SPOCK3: variants seen among roughly 807,000 people sequenced by gnomAD.
SPOCK3 encodes SPARC (osteonectin), cwcv and kazal like domains proteoglycan 3, also known as testican-3.
SPOCK3 carries 30 observed loss-of-function variants against 56.6 expected under a neutral mutation model. That is an observed-to-expected ratio of 0.53 (90% CI 0.40 to 0.72). The LOEUF is 0.72. SPOCK3 is among the 30% of genes least tolerant of loss of function. The pLI, the probability that SPOCK3 is intolerant of heterozygous loss-of-function variation, is 0.00. For missense variants in SPOCK3, 527 were observed against 530.0 expected (o/e 0.99, Z 0.06); for synonymous variants, 196 against 183.3 (o/e 1.07, Z -0.56).
At chr4:167,164,254 T>A (rs1480032937) in intron 2 of SPOCK3, among the ~76,000 whole-genome samples, 2 of 152,128 alleles carry the variant, frequency 1.3e-5, no homozygotes, top group African/African-American at 4.8e-5. Flanking sequence ...AAGAAAATAT[T>A]TCAGCATATT....
chr4:167,219,619 C>A lies in SPOCK3; in HGVS notation c.189+14366G>T, dbSNP rs1185271298. ...ACTTATGCTAAGAATAAAGAACTCA[C>A]AAAATTATCTAGAACACTCAACATA... On this transcript the variant is annotated intron_variant, in intron 2 of 10. Transcript: ENST00000357545. Among the ~76,000 whole-genome samples, 4 of 152,024 alleles carry A rather than the reference C, an allele frequency of 2.6e-5. No individual in the cohort carries two copies. The East Asian group carries it at 5.8e-4, about 22-fold the overall frequency.
chr4:167,193,163 T>C (rs1205273389), intron 2 of SPOCK3, among the ~76,000 whole-genome samples: 1 of 146,118 alleles, frequency 6.8e-6, no homozygotes, highest in East Asian at 2.1e-4. Context: ...TGCCATTTTG[T>C]TGTTTTCTGG....
chr4:166,842,800 G>A (rs1299306869), intron 6 of SPOCK3, among the ~76,000 whole-genome samples: 1 of 152,208 alleles, frequency 6.6e-6, no homozygotes. Context: ...TGCCAGAGCC[G>A]TGGGCGGAGC....
intron 7 of SPOCK3, among the ~76,000 whole-genome samples, chr4:166,787,750 T>C (rs1456315921): frequency 6.6e-6 from 1 of 152,164 alleles, no homozygotes; most frequent in East Asian, 1.9e-4. Context: ...TAAAACATAG[T>C]GATGATTCTA....
At chr4:166,998,693 C>T (rs865899716) in intron 4 of SPOCK3, among the ~76,000 whole-genome samples, 1 of 152,042 alleles carries the variant, frequency 6.6e-6, no homozygotes, top group Middle Eastern at 3.2e-3. Context: ...GGTGAAGTGG[C>T]AGGTGAATCT....
Position 166,862,356 on chromosome 4 carries a change from G to T in SPOCK3, c.589+26774C>A, listed in dbSNP as rs146222758. On this transcript the variant is annotated intron_variant, in intron 6 of 10. Coordinates refer to ENST00000357545, the MANE Select transcript of SPOCK3 (RefSeq NM_001040159.2). The stretch of plus-strand genomic sequence containing the variant: ...AGGAAGCCAGTAAAACTATGAAAAA[G>T]ACTTGAATGTAGCAAATTGAATAAA... Among the ~76,000 whole-genome samples, 69 of 152,054 alleles carry T rather than the reference G, an allele frequency of 4.5e-4. 1 individual carries two copies. In the East Asian group the frequency reaches 0.013, roughly 29 times the overall value.
chr4:167,062,864 C>A (rs1259571130), intron 2 of SPOCK3, among the ~76,000 whole-genome samples: 1 of 151,760 alleles, frequency 6.6e-6, no homozygotes, highest in Admixed American at 6.6e-5. Flanking sequence ...GCAATATTTT[C>A]AATTACAATT....
At chr4:167,093,105 C>T (rs1403198848) in intron 2 of SPOCK3, among the ~76,000 whole-genome samples, 1 of 152,070 alleles carries the variant, frequency 6.6e-6, no homozygotes, top group Non-Finnish European at 1.5e-5. Context: ...CACTTTAATT[C>T]TTGCAACTTG....
intron 3 of SPOCK3, among the ~76,000 whole-genome samples, chr4:167,014,102 G>A (rs182509881): frequency 1.3e-5 from 2 of 152,178 alleles, no homozygotes; most frequent in East Asian, 3.9e-4. Context: ...AAAATCTCTT[G>A]TAACGTGCCC....
intron 3 of SPOCK3, among the ~76,000 whole-genome samples, chr4:167,031,397 T>G (rs1752259928): frequency 6.6e-6 from 1 of 152,034 alleles, no homozygotes; most frequent in South Asian, 2.1e-4. Flanking sequence ...TTATCCCGTT[T>G]TACTAAAATA....
intron 2 of SPOCK3, among the ~76,000 whole-genome samples, chr4:167,132,095 A>C (rs1313509402): frequency 6.6e-6 from 1 of 152,240 alleles, no homozygotes; most frequent in Non-Finnish European, 1.5e-5. Context: ...TATTCTTTTA[A>C]AGACACATTT....
intron 3 of SPOCK3, among the ~76,000 whole-genome samples, chr4:167,010,519 CA>C (rs11408189): frequency 0.07 from 7,719 of 109,666 alleles, 343 homozygotes; most frequent in African/African-American, 0.2. Context: ...GACTCTGTCT[CA>C]AAAAAAAAAA....
intron 4 of SPOCK3, among the ~76,000 whole-genome samples, chr4:166,979,329 C>T (rs978771592): frequency 2.0e-5 from 3 of 152,002 alleles, no homozygotes; most frequent in African/African-American, 4.8e-5. Flanking sequence ...CTGAACTCCC[C>T]GTCAATGAAA....
intron 4 of SPOCK3, among the ~76,000 whole-genome samples, chr4:166,933,472 C>T (rs1740025932): frequency 6.6e-6 from 1 of 152,114 alleles, no homozygotes; most frequent in African/African-American, 2.4e-5. Context: ...AAATTCCTTT[C>T]AGAAAGTTAT....
intron 6 of SPOCK3, among the ~76,000 whole-genome samples, chr4:166,845,954 C>T (rs530942056): frequency 9.2e-5 from 14 of 152,186 alleles, no homozygotes; most frequent in South Asian, 2.1e-4. Context: ...TGCTAGGCTA[C>T]GAACTTGCAC....
intron 2 of SPOCK3, among the ~76,000 whole-genome samples, chr4:167,171,870 A>T (rs1351009418): frequency 2.0e-5 from 3 of 151,420 alleles, no homozygotes; most frequent in Non-Finnish European, 2.9e-5. Context: ...AAGTAAATTT[A>T]AAAAAAAAGA....
intron 6 of SPOCK3, among the ~76,000 whole-genome samples, chr4:166,826,646 T>C (rs991581944): frequency 6.6e-6 from 1 of 152,108 alleles, no homozygotes; most frequent in African/African-American, 2.4e-5. Context: ...AGTCAATAAA[T>C]AAAATTTTTT....
intron 7 of SPOCK3, among the ~76,000 whole-genome samples, chr4:166,764,354 C>A (rs1311896804): frequency 6.6e-6 from 1 of 152,224 alleles, no homozygotes; most frequent in East Asian, 1.9e-4. Flanking sequence ...CCCCACCCCA[C>A]AACAGGCCCT....
chr4:166,978,384 T>G (rs926402714), intron 4 of SPOCK3, among the ~76,000 whole-genome samples: 7 of 151,910 alleles, frequency 4.6e-5, no homozygotes, highest in Non-Finnish European at 8.8e-5. Context: ...ATAGGGAGAG[T>G]AATAAAAGAA....
Sources: gnomAD v4.1 joint callset for allele counts (sites outside exome capture counted in the v4.1 genomes callset) on GRCh38, gnomAD v4.1.1 for gene constraint, MANE v1.5 for transcripts, NCBI Gene and HGNC (gene_info 2026-07-23, HGNC 2026-07-21) for gene names.